GRTP1: variants seen among roughly 807,000 people sequenced by gnomAD.
GRTP1 encodes the protein growth hormone-regulated TBC protein 1.
A neutral mutation model predicts 38.1 loss-of-function variants in GRTP1; 56 were observed. The observed-to-expected ratio is 1.47, with a 90% CI of 1.19 to 1.84. The LOEUF is 1.84. GRTP1 is among the 40% of genes most tolerant of loss of function. The pLI is 0.00. For synonymous variants in GRTP1, 217 were observed against 189.5 expected (o/e 1.14, Z -1.19); for missense variants, 506 against 453.9 (o/e 1.11, Z -1.04).
intron 3 of GRTP1, among the ~76,000 whole-genome samples, chr13:113,352,337 T>TTATATATATATTTATATATTTTTTATA (rs2043296330): frequency 1.9e-5 from 1 of 51,560 alleles, no homozygotes; most frequent in Non-Finnish European, 3.8e-5. Context: ...TATATATATT[T>TTATATATATATTTATATATTTTTTATA]TATATATATA....
chr13:113,363,817 C>A lies in GRTP1; in HGVS notation c.126G>T (p.Arg42Ser). The change falls in exon 2 of 8, where the codon AGG (arginine) becomes AGT (serine). Residue 42 changes from arginine (R) to serine (S), a missense_variant. Transcript: ENST00000375431. ...GCAGCAGCCGGGACCATTTGATCGC[C>A]CTGCGGGTGAGCGTGACCAGGTAGC... is the stretch of plus-strand genomic sequence containing the variant. ...FSSYLVTLTR[R>S]AIKWSRLLQG... The A allele has an allele frequency of 1.2e-6, 2 of 1,611,968 alleles. No individual in the cohort carries two copies. Among genetic ancestry groups the A allele is most frequent in the Non-Finnish European group, 1.7e-6 (2 of 1,179,590 alleles).
At chr13:113,338,703 G>T (rs763864032) in intron 5 of GRTP1, among the ~76,000 whole-genome samples, 4 of 152,136 alleles carry the variant, frequency 2.6e-5, no homozygotes, top group Non-Finnish European at 5.9e-5. Context: ...GGGAGCTTTC[G>T]TTTTGTGTCA....
intron 5 of GRTP1, among the ~76,000 whole-genome samples, chr13:113,326,986 A>G (rs1233233851): frequency 6.6e-6 from 1 of 152,224 alleles, no homozygotes; most frequent in East Asian, 1.9e-4. Flanking sequence ...CCCTTGTGCC[A>G]CTGAACTGCA....
intron 2 of GRTP1, 85 bp downstream of exon 2, chr13:113,363,677 C>T: frequency 1.4e-6 from 2 of 1,388,188 alleles, no homozygotes; most frequent in Non-Finnish European, 2.0e-6. Flanking sequence ...CCCCTCCCTC[C>T]GCTCCGGGAG....
intron 5 of GRTP1, among the ~76,000 whole-genome samples, chr13:113,344,250 C>A (rs900718531): frequency 6.6e-6 from 1 of 152,148 alleles, no homozygotes; most frequent in African/African-American, 2.4e-5. Flanking sequence ...ACAGAAGTTA[C>A]CAACTGAGGA....
chr13:113,326,120 G>A (rs765181254), intron 5 of GRTP1, 29 bp from the exon 6 acceptor site: 15 of 1,600,376 alleles, frequency 9.4e-6, no homozygotes, highest in Middle Eastern at 1.6e-4. Flanking sequence ...AAAAGACCCC[G>A]AGACACTCCC....
intron 5 of GRTP1, among the ~76,000 whole-genome samples, chr13:113,337,047 A>T (rs574471273): frequency 6.6e-6 from 1 of 152,340 alleles, no homozygotes; most frequent in Non-Finnish European, 1.5e-5. Context: ...TAATCCCGGC[A>T]CTTTGGAAGG....
chr13:113,359,219 AGCAGTGG>A (rs1311779648), intron 2 of GRTP1, among the ~76,000 whole-genome samples: 1 of 152,226 alleles, frequency 6.6e-6, no homozygotes, highest in African/African-American at 2.4e-5. Context: ...CAGTGATGTG[AGCAGTGG>A]GCTGACTTCA....
At position 113,325,818 on chromosome 13, in the gene GRTP1, A is replaced by AC; in HGVS notation, c.763_764insG (p.Phe255CysfsTer2). 6.2e-7 allele frequency: 1 copy of AC among 1,613,596 alleles called. No homozygotes were observed. The highest frequency in any genetic ancestry group is 8.5e-7 in the Non-Finnish European group (1 of 1,179,544). ...GAAGATAATCTTCGAGCCTTCGTTA[A>AC]ACAAACAGTCCCAGATCCGAAGCAC... On this transcript the variant is annotated frameshift_variant, in exon 7 of 8. Transcript: ENST00000375431. LOFTEE classifies it high-confidence loss of function.
At chr13:113,346,101 G>GACAGTGGAC in intron 4 of GRTP1, among the ~76,000 whole-genome samples, 2 of 66,820 alleles carry the variant, frequency 3.0e-5, no homozygotes, top group African/African-American at 7.2e-5. Context: ...GACATCTGTG[G>GACAGTGGAC]CCGAGAACAG....
intron 3 of GRTP1, 111 bp from the exon 4 acceptor site, chr13:113,351,084 GT>G: frequency 7.1e-7 from 1 of 1,407,270 alleles, no homozygotes; most frequent in Non-Finnish European, 9.9e-7. Context: ...TTACGGACTG[GT>G]TTTCACCCTG....
In GRTP1 at chr13:113,325,909, A is replaced by G; in HGVS notation, c.735+10T>C. ...GCCCGCCCGCCCCAGGGCCCGAGTG[A>G]GGCGCTCACCTCCACGGGCAAGATG... On this transcript the variant is annotated intron_variant, in intron 6 of 7. Transcript: ENST00000375431. 1 of 1,613,756 alleles carries G rather than the reference A, an allele frequency of 6.2e-7. No homozygotes were observed. The highest frequency in any genetic ancestry group is 8.5e-7 in the Non-Finnish European group (1 of 1,179,878).
intron 4 of GRTP1, 23 bp from the exon 5 acceptor site, chr13:113,344,982 C>T: frequency 6.3e-7 from 1 of 1,584,602 alleles, no homozygotes. Flanking sequence ...AAATGAGAAA[C>T]AAATTCACAT....
At chr13:113,333,661 C>A (rs531692146) in intron 5 of GRTP1, among the ~76,000 whole-genome samples, 2 of 150,836 alleles carry the variant, frequency 1.3e-5, no homozygotes, top group Non-Finnish European at 3.0e-5. Flanking sequence ...TGCACCACCA[C>A]GCCCAGCTAA....
At position 113,348,184 on chromosome 13, in the gene GRTP1, G is replaced by A. The variant is rs867980164; in HGVS notation, c.465+2665C>T. On this transcript the variant is annotated intron_variant, in intron 4 of 7. Transcript: ENST00000375431. The surrounding 1 kb of genome is among the most constrained non-coding windows in gnomAD (Gnocchi z 4.8). ...GTGGAGAAAAAGCAGAACATAGCCA[G>A]GCACAGTGGGGGATCCCAGCACTGT... Among the ~76,000 whole-genome samples, 6 of 152,210 alleles carry A rather than the reference G, an allele frequency of 3.9e-5. No homozygotes were observed. Among genetic ancestry groups the A allele is most frequent in the Middle Eastern group, 3.2e-3 (1 of 316 alleles).
At position 113,325,994 on chromosome 13, in the gene GRTP1, C is replaced by T; in HGVS notation, c.660G>A (p.Glu220=). The T allele has an allele frequency of 6.2e-7, 1 of 1,613,914 alleles. No individual in the cohort carries two copies. ...AKLPAVGALM[E]RLGVLWTLLV... ...GCAGCGTCCACAGCACACCGAGACG[C>T]TCCATCAGGGCCCCCACAGCCGGCA... The change falls in exon 6 of 8, where the codon GAG becomes GAA. Residue 220 remains glutamate, a synonymous_variant. Transcript: ENST00000375431.
At chr13:113,355,021 G>A in intron 3 of GRTP1, 1 of 294,986 alleles carries the variant, frequency 3.4e-6, no homozygotes, top group Non-Finnish European at 6.3e-6. Context: ...CCGGTGCGAA[G>A]CGCACCGGCA....
chr13:113,324,666 C>T lies in GRTP1; in HGVS notation c.922-89G>A, dbSNP rs2042732916. On this transcript the variant is annotated intron_variant, in intron 7 of 7. Coordinates refer to ENST00000375431, the MANE Select transcript of GRTP1 (RefSeq NM_024719.4). ...GACTGGCAGGCAGGCAGACAGGCCT[C>T]GTGTGAGGTGAGGGAGGAGCAGTCC... The T allele has an allele frequency of 1.6e-5, 24 of 1,511,238 alleles. No individual in the cohort carries two copies. The South Asian group carries it at 2.4e-4, about 15-fold the overall frequency. 93.6% of individuals were successfully genotyped at this position (1,511,238 alleles called of 1,614,324 possible).
At position 113,347,511 on chromosome 13, in the gene GRTP1, C is replaced by T. The variant is rs1320340832; in HGVS notation, c.466-2552G>A. On this transcript the variant is annotated intron_variant, in intron 4 of 7. Coordinates refer to ENST00000375431, the MANE Select transcript of GRTP1 (RefSeq NM_024719.4). ...GAGGACCTCTGTGGCCGAGAGCGGACCCAGGAGCACCTCTGTGGCTGAGCG... is the reference window on the plus strand; with the variant it reads ...GAGGACCTCTGTGGCCGAGAGCGGATCCAGGAGCACCTCTGTGGCTGAGCG... Among the ~76,000 whole-genome samples the T allele has an allele frequency of 4.7e-4, 39 of 82,280 alleles. 1 individual carries two copies. The highest frequency in any genetic ancestry group is 7.7e-4 in the Non-Finnish European group (29 of 37,522). The allele number at this position is 82,280 out of a possible 152,430, so 54.0% of individuals were successfully genotyped here. A position where few individuals can be genotyped will look rare whatever the true frequency, so the allele number is the denominator to read the frequency against.
Sources: gnomAD v4.1 joint callset for allele counts (sites outside exome capture counted in the v4.1 genomes callset) on GRCh38, gnomAD v4.1.1 for gene constraint, Gnocchi (gnomAD v3.1) non-coding constraint, MANE v1.5 for transcripts, NCBI Gene and HGNC (gene_info 2026-07-23, HGNC 2026-07-21) for gene names.